Variants in CHRNB4 observed in about 807,000 individuals in gnomAD.
The protein encoded by CHRNB4 is cholinergic receptor nicotinic beta 4 subunit.
CHRNB4 carries 23 observed loss-of-function variants against 40.4 expected under a neutral mutation model. The ratio of observed to expected loss-of-function variants is 0.57; its 90% confidence interval spans 0.41 to 0.81. The LOEUF (loss-of-function observed/expected upper bound fraction) is 0.81. Among genes scored for constraint, CHRNB4 ranks in the 30% least tolerant of loss-of-function variants. The probability of loss-of-function intolerance (pLI) is 0.00; values close to 1 mark genes in which losing one functional copy is unlikely to be tolerated. For missense variants in CHRNB4, 568 were observed against 670.6 expected, an observed-to-expected ratio of 0.85 and a Z score of 1.69; for synonymous variants, 285 against 274.4, an observed-to-expected ratio of 1.04 and a Z score of -0.38.
intron 1 of CHRNB4, among the ~76,000 whole-genome samples, chr15:78,636,068 C>G (rs528303766): frequency 2.0e-5 from 3 of 152,064 alleles, no homozygotes; most frequent in Non-Finnish European, 4.4e-5. Flanking sequence ...CCACCACACC[C>G]GGCTAATTTT....
At chr15:78,638,044 C>T (rs1429303903) in intron 1 of CHRNB4, among the ~76,000 whole-genome samples, 2 of 152,184 alleles carry the variant, frequency 1.3e-5, no homozygotes, top group Admixed American at 1.3e-4. Context: ...TGTGTCTTGC[C>T]CAAGCCCATC....
intron 6 of CHRNB4, among the ~76,000 whole-genome samples, chr15:78,650,092 C>A (rs2054159994): frequency 6.6e-6 from 1 of 152,172 alleles, no homozygotes; most frequent in Admixed American, 6.5e-5. Flanking sequence ...CTGCTGTGCA[C>A]CCGGTCCCTT....
chr15:78,625,237 CCCACAGGAACAG>C lies in CHRNB4; in HGVS notation c.1381_1392del (p.Leu461_Trp464del). ...CCCAGGACGCACACAAACATGAACA[CCCACAGGAACAG>C]CCGGTCCACCACCATAGCCACGTAC... On this transcript the variant is annotated inframe_deletion, in exon 6 of 6. Coordinates refer to ENST00000261751, the MANE Select transcript of CHRNB4 (RefSeq NM_000750.5). The C allele has an allele frequency of 1.3e-6, 2 of 1,579,552 alleles. No homozygotes were observed. Among genetic ancestry groups the C allele is most frequent in the Non-Finnish European group, 8.6e-7 (1 of 1,163,704 alleles).
intron 1 of CHRNB4, among the ~76,000 whole-genome samples, chr15:78,635,976 C>T (rs1027479709): frequency 2.0e-5 from 3 of 151,492 alleles, no homozygotes; most frequent in African/African-American, 7.3e-5. Flanking sequence ...GGTGTGATCT[C>T]GGCTCACTGC....
In CHRNB4 at chr15:78,624,620, G is replaced by T; in HGVS notation, c.*513C>A. ...TAGCTGGGCACGGTGGCGGCTTTCT[G>T]TAATCCCAGCTACTTGGGAGGTTGA... On this transcript the variant is annotated 3_prime_UTR_variant, in exon 6 of 6. Coordinates refer to ENST00000261751, the MANE Select transcript of CHRNB4 (RefSeq NM_000750.5). 4.6e-6 allele frequency: 1 copy of T among 215,954 alleles called. No individual in the cohort carries two copies. Among genetic ancestry groups the T allele is most frequent in the Non-Finnish European group, 9.1e-6 (1 of 110,106 alleles). 13.4% of individuals were successfully genotyped at this position (215,954 alleles called of 1,614,324 possible).
At chr15:78,634,708 C>G in intron 2 of CHRNB4, 1 of 456,012 alleles carries the variant, frequency 2.2e-6, no homozygotes, top group Non-Finnish European at 4.4e-6. Flanking sequence ...GAATGTTCCC[C>G]CAGAGCTTCT....
chr15:78,631,222 C>T, intron 3 of CHRNB4, 37 bp from the exon 4 acceptor site: 1 of 1,612,822 alleles, frequency 6.2e-7, no homozygotes, highest in Non-Finnish European at 8.5e-7. Context: ...CTTGCAGGTC[C>T]ACTGCCACCA....
chr15:78,646,087 G>A (rs2054120917), upstream of CHRNB4, among the ~76,000 whole-genome samples: 1 of 151,374 alleles, frequency 6.6e-6, no homozygotes, highest in Non-Finnish European at 1.5e-5. Flanking sequence ...ATGACATAGA[G>A]GTCAGTGAGT....
At chr15:78,661,444 G>A (rs1358320462), upstream of CHRNB4, 5 of 511,968 alleles carry the variant, frequency 9.8e-6, no homozygotes, top group South Asian at 5.0e-5. Context: ...CGGTTGGTGC[G>A]ACTCATAAAC....
upstream of CHRNB4, among the ~76,000 whole-genome samples, chr15:78,643,463 A>G (rs2054098627): frequency 6.6e-6 from 1 of 152,218 alleles, no homozygotes; most frequent in Admixed American, 6.5e-5. Flanking sequence ...GTAAAACTTT[A>G]GAAGCAATTT....
chr15:78,657,965 G>A (rs2054227182), intron 2 of CHRNB4, among the ~76,000 whole-genome samples: 1 of 151,786 alleles, frequency 6.6e-6, no homozygotes, highest in African/African-American at 2.4e-5. Flanking sequence ...GAAGAGGGTG[G>A]GGCACTTTTG....
chr15:78,660,593 C>CA (rs1252568567), upstream of CHRNB4: 3 of 154,364 alleles, frequency 1.9e-5, no homozygotes, highest in Non-Finnish European at 4.3e-5. Flanking sequence ...TAGAGGGCCC[C>CA]ACGTCACAGT....
chr15:78,652,752 T>G (rs1411669938), intron 5 of CHRNB4: 1 of 152,270 alleles, frequency 6.6e-6, no homozygotes, highest in Non-Finnish European at 1.5e-5. Flanking sequence ...TCCATAACCC[T>G]GGACTAGCTA....
chr15:78,653,066 G>A (rs1287140886), intron 5 of CHRNB4, among the ~76,000 whole-genome samples: 1 of 152,072 alleles, frequency 6.6e-6, no homozygotes, highest in Non-Finnish European at 1.5e-5. Context: ...GGCTTAAATG[G>A]GATAATGAAA....
upstream of CHRNB4, among the ~76,000 whole-genome samples, chr15:78,641,825 T>C (rs1168632536): frequency 6.6e-6 from 1 of 152,196 alleles, no homozygotes; most frequent in Non-Finnish European, 1.5e-5. Flanking sequence ...CAATCTGGGC[T>C]GAACAGAGGC....
intron 4 of CHRNB4, among the ~76,000 whole-genome samples, chr15:78,630,616 G>A (rs2053784627): frequency 6.6e-6 from 1 of 152,168 alleles, no homozygotes. Flanking sequence ...TTGAACTCAG[G>A]TCTGTCTGTC....
At chr15:78,625,985 G>C (rs1397647084) in intron 5 of CHRNB4, 1 of 152,456 alleles carries the variant, frequency 6.6e-6, no homozygotes, top group African/African-American at 2.4e-5. Context: ...TGTGTGCCCA[G>C]GGTCCTGGCC....
rs1051608883 is a variant in CHRNB4, at chr15:78,624,867, T to C, written c.*266A>G. 1 of 1,205,768 alleles carries C rather than the reference T, an allele frequency of 8.3e-7. No homozygotes were observed. Among genetic ancestry groups the C allele is most frequent in the Non-Finnish European group, 1.1e-6 (1 of 891,236 alleles). 74.7% of individuals were successfully genotyped at this position (1,205,768 alleles called of 1,614,324 possible). ...TGCTACGAAGTCATCTTTATCCCCA[T>C]TGCCCGGTGCAGGGAAGGAAGACAG... On this transcript the variant is annotated 3_prime_UTR_variant, in exon 6 of 6. Coordinates refer to ENST00000261751, the MANE Select transcript of CHRNB4 (RefSeq NM_000750.5).
At chr15:78,654,716 A>G (rs116959742) in intron 5 of CHRNB4, among the ~76,000 whole-genome samples, 2 of 152,294 alleles carry the variant, frequency 1.3e-5, no homozygotes, top group Non-Finnish European at 2.9e-5. Context: ...AGCTTTTTTA[A>G]AAAAACTTTT....
Sources: gnomAD v4.1 joint callset for allele counts (sites outside exome capture counted in the v4.1 genomes callset) on GRCh38, gnomAD v4.1.1 for gene constraint, MANE v1.5 for transcripts, NCBI Gene and HGNC (gene_info 2026-07-23, HGNC 2026-07-21) for gene names.